The following FAF1 variants were observed in gnomAD, a reference collection of about 807,000 sequenced individuals.
The protein encoded by FAF1 is Fas associated factor 1.
In FAF1, 25 loss-of-function variants were observed where a neutral mutation model predicts 92.5. The observed-to-expected ratio is 0.27, with a 90% confidence interval of 0.20 to 0.38. The LOEUF is 0.38. FAF1 is among the 10% of genes least tolerant of loss of function. The probability of loss-of-function intolerance (pLI) is 1.00; values close to 1 mark genes in which losing one functional copy is unlikely to be tolerated. For synonymous variants in FAF1, 234 were observed against 273.2 expected, an observed-to-expected ratio of 0.86 and a Z score of 1.42; for missense variants, 636 against 793.3, an observed-to-expected ratio of 0.80 and a Z score of 2.38.
chr1:50,860,087 C>T (rs768145134), intron 1 of FAF1, among the ~76,000 whole-genome samples: 2 of 151,856 alleles, frequency 1.3e-5, no homozygotes, highest in Non-Finnish European at 2.9e-5. Flanking sequence ...CTACTTTTCA[C>T]CATACACAAA....
chr1:50,532,639 T>C (rs994676022), intron 15 of FAF1, among the ~76,000 whole-genome samples: 5 of 152,134 alleles, frequency 3.3e-5, no homozygotes, highest in African/African-American at 7.2e-5. Context: ...TCCTTCAGAG[T>C]AAATGAAACA....
chr1:50,740,685 T>C (rs1659346868), intron 5 of FAF1, among the ~76,000 whole-genome samples: 1 of 152,170 alleles, frequency 6.6e-6, no homozygotes. Flanking sequence ...TAATGGTTTA[T>C]GGTCCATAGT....
chr1:50,583,547 T>C lies in FAF1; in HGVS notation c.1031+105A>G. The C allele has an allele frequency of 1.6e-6, 1 of 629,544 alleles. No individual in the cohort carries two copies. Among genetic ancestry groups the C allele is most frequent in the Non-Finnish European group, 2.6e-6 (1 of 378,036 alleles). 39.0% of individuals were successfully genotyped at this position (629,544 alleles called of 1,614,324 possible). ...TAAATTAACAAGTATATCCTTTGAATACTTTAAGGAGAAACTTTAAACAAT... is the reference window on the plus strand; with the variant it reads ...TAAATTAACAAGTATATCCTTTGAACACTTTAAGGAGAAACTTTAAACAAT... On this transcript the variant is annotated intron_variant, in intron 11 of 18. Transcript: ENST00000396153. This position sits in a 1 kb window ranked among gnomAD's most constrained non-coding sequence, Gnocchi z 4.2.
intron 6 of FAF1, among the ~76,000 whole-genome samples, chr1:50,714,113 T>C (rs1281690971): frequency 6.6e-6 from 1 of 152,056 alleles, no homozygotes; most frequent in African/African-American, 2.4e-5. Context: ...TTTAACTCAA[T>C]GCAAGAAATG....
At chr1:50,705,748 G>T in intron 7 of FAF1, 38 bp downstream of exon 7, 1 of 1,155,248 alleles carries the variant, frequency 8.7e-7, no homozygotes, top group South Asian at 1.2e-5. Flanking sequence ...TAGCTATAAT[G>T]AGCTACCTTT....
chr1:50,589,012 T>G (rs1383284212), intron 9 of FAF1, among the ~76,000 whole-genome samples: 1 of 152,160 alleles, frequency 6.6e-6, no homozygotes, highest in Non-Finnish European at 1.5e-5. Flanking sequence ...TGACAGGAAT[T>G]AGACTATCTG....
intron 4 of FAF1, among the ~76,000 whole-genome samples, chr1:50,778,957 T>C (rs1457650319): frequency 1.3e-5 from 2 of 152,220 alleles, no homozygotes; most frequent in African/African-American, 4.8e-5. Context: ...CTAGAATTTC[T>C]TTTACAGTTG....
At chr1:50,705,372 C>T (rs1182704243) in intron 7 of FAF1, among the ~76,000 whole-genome samples, 1 of 152,142 alleles carries the variant, frequency 6.6e-6, no homozygotes, top group Non-Finnish European at 1.5e-5. Flanking sequence ...TAAGAAAAGT[C>T]CCCTCAAATT....
chr1:50,699,326 A>G (rs1030937092), intron 7 of FAF1, among the ~76,000 whole-genome samples: 1 of 152,136 alleles, frequency 6.6e-6, no homozygotes, highest in Admixed American at 6.6e-5. Flanking sequence ...AGGAATAACT[A>G]TAAATTTGTA....
chr1:50,702,752 A>G (rs1353220372), intron 7 of FAF1, among the ~76,000 whole-genome samples: 2 of 152,156 alleles, frequency 1.3e-5, no homozygotes, highest in African/African-American at 4.8e-5. Flanking sequence ...GCCAGAATGA[A>G]CAAACACTTG....
At chr1:50,604,593 G>A (rs753947401) in intron 8 of FAF1, among the ~76,000 whole-genome samples, 26 of 152,034 alleles carry the variant, frequency 1.7e-4, no homozygotes, top group Non-Finnish European at 3.1e-4. Context: ...CTGCCACCTC[G>A]ATCTCCCAGC....
chr1:50,937,602 C>T (rs1422201922), intron 1 of FAF1, among the ~76,000 whole-genome samples: 16 of 152,036 alleles, frequency 1.1e-4, no homozygotes, highest in Non-Finnish European at 2.9e-5. Flanking sequence ...CATGGTTTTA[C>T]CAACCATCTG....
intron 1 of FAF1, among the ~76,000 whole-genome samples, chr1:50,940,195 G>A (rs1343048691): frequency 3.3e-5 from 5 of 151,812 alleles, no homozygotes; most frequent in Admixed American, 1.3e-4. Flanking sequence ...TACAGGCGTC[G>A]AGCCACCATG....
At chr1:50,773,890 A>T (rs1297779671) in intron 4 of FAF1, among the ~76,000 whole-genome samples, 4 of 152,204 alleles carry the variant, frequency 2.6e-5, no homozygotes, top group Non-Finnish European at 5.9e-5. Flanking sequence ...GTATTTACTC[A>T]TTCTAAAATG....
intron 17 of FAF1, among the ~76,000 whole-genome samples, chr1:50,480,409 G>A (rs1476058454): frequency 6.6e-6 from 1 of 152,172 alleles, no homozygotes; most frequent in Non-Finnish European, 1.5e-5. Flanking sequence ...AGGTTTCTAT[G>A]AGTATGTATA....
In FAF1 at chr1:50,451,932, A is replaced by G. The variant is rs1646298280; in HGVS notation, c.1870-10409T>C. On this transcript the variant is annotated intron_variant, in intron 18 of 18. Coordinates refer to ENST00000396153, the MANE Select transcript of FAF1 (RefSeq NM_007051.3). ...TCAAACTTGGCACACTGTCGGGGAC[A>G]CCCTGGGCACCAAACAAAAGCTGTA... 3 of 1,123,338 alleles carry G rather than the reference A, an allele frequency of 2.7e-6. No homozygotes were observed. In the South Asian group the frequency reaches 6.6e-5, roughly 25 times the overall value. 69.6% of individuals were successfully genotyped at this position (1,123,338 alleles called of 1,614,324 possible). A position where few individuals can be genotyped will look rare whatever the true frequency, so the allele number is the denominator to read the frequency against.
At chr1:50,872,891 C>T (rs1397143808) in intron 1 of FAF1, among the ~76,000 whole-genome samples, 1 of 149,380 alleles carries the variant, frequency 6.7e-6, no homozygotes, top group African/African-American at 2.5e-5. Context: ...AACAGCGAAA[C>T]TCCGTCTGGA....
intron 13 of FAF1, among the ~76,000 whole-genome samples, chr1:50,557,732 A>T (rs1038543209): frequency 6.6e-6 from 1 of 152,158 alleles, no homozygotes; most frequent in Non-Finnish European, 1.5e-5. Context: ...ACCAATTTCA[A>T]TGGCATAGGT....
chr1:50,807,342 T>C (rs543393638), intron 2 of FAF1, among the ~76,000 whole-genome samples: 4 of 152,338 alleles, frequency 2.6e-5, no homozygotes, highest in Middle Eastern at 3.4e-3. Context: ...ACAGGCTGTA[T>C]AGAAGGCATG....
Sources: gnomAD v4.1 joint callset for allele counts (sites outside exome capture counted in the v4.1 genomes callset) on GRCh38, gnomAD v4.1.1 for gene constraint, Gnocchi (gnomAD v3.1) non-coding constraint, MANE v1.5 for transcripts, NCBI Gene and HGNC (gene_info 2026-07-23, HGNC 2026-07-21) for gene names.